Variants in TENM4 observed in about 807,000 individuals in gnomAD.
TENM4 encodes teneurin-4.
In TENM4, 82 loss-of-function variants were observed where a neutral mutation model predicts 243.3. That is an observed-to-expected ratio of 0.34 (90% CI 0.28 to 0.40). TENM4 has a LOEUF of 0.40. TENM4 is among the 10% of genes least tolerant of loss of function. The probability of loss-of-function intolerance (pLI) is 1.00; values close to 1 mark genes in which losing one functional copy is unlikely to be tolerated. For missense variants in TENM4, 3,138 were observed against 3,673.3 expected (o/e 0.85, Z 3.77); for synonymous variants, 1,412 against 1,456.3 (o/e 0.97, Z 0.69).
intron 3 of TENM4, among the ~76,000 whole-genome samples, chr11:79,170,485 T>C (rs545557472): frequency 1.7e-4 from 26 of 152,332 alleles, no homozygotes; most frequent in African/African-American, 6.0e-4. Context: ...GTAATTAGTT[T>C]AGTTAGGATG....
At position 79,200,502 on chromosome 11, in the gene TENM4, A is replaced by C. The variant is rs986468177; in HGVS notation, c.-163+15306T>G. 5.3e-5 allele frequency among the ~76,000 whole-genome samples: 8 copies of C among 152,360 alleles called. No homozygotes were observed. In the East Asian group the frequency reaches 1.5e-3, roughly 29 times the overall value. The stretch of plus-strand genomic sequence containing the variant: ...GAGCAAACTTGGCCCAGGAAGGGCA[A>C]GGGTCATCCAAAGTCACACATCAGA... On this transcript the variant is annotated intron_variant, in intron 3 of 33. Transcript: ENST00000278550.
At chr11:79,263,726 A>G (rs1325572098) in intron 2 of TENM4, among the ~76,000 whole-genome samples, 2 of 152,198 alleles carry the variant, frequency 1.3e-5, no homozygotes, top group Non-Finnish European at 2.9e-5. Context: ...ACAATTTCCA[A>G]TGTCTAACAG....
rs554662524 is a variant in TENM4 at position 78,969,954 on chromosome 11, A to G, written c.494-66431T>C. 1.4e-4 allele frequency among the ~76,000 whole-genome samples: 22 copies of G among 152,360 alleles called. No individual in the cohort carries two copies. The South Asian group carries it at 3.3e-3, about 23-fold the overall frequency. On this transcript the variant is annotated intron_variant, in intron 6 of 33. Transcript: ENST00000278550. ...GTGGCACACTGCCCTGATGGATTCAACCTTTCCAGAAACATTTTAGTTTCT... is the reference window on the plus strand; with the variant it reads ...GTGGCACACTGCCCTGATGGATTCAGCCTTTCCAGAAACATTTTAGTTTCT...
intron 32 of TENM4, 80 bp downstream of exon 32, chr11:78,668,857 T>G: frequency 6.7e-7 from 1 of 1,497,350 alleles, no homozygotes; most frequent in African/African-American, 1.4e-5. Flanking sequence ...TTATGCCAGC[T>G]TTCTCAAAGA....
chr11:79,262,804 C>G (rs1055819560), intron 2 of TENM4, among the ~76,000 whole-genome samples: 3 of 152,144 alleles, frequency 2.0e-5, no homozygotes, highest in African/African-American at 7.2e-5. Context: ...AGTATCTTAC[C>G]TGTAAAGTGA....
chr11:79,168,221 T>C (rs1158959853), intron 3 of TENM4, among the ~76,000 whole-genome samples: 1 of 152,170 alleles, frequency 6.6e-6, no homozygotes, highest in Non-Finnish European at 1.5e-5. Flanking sequence ...TAAGCACCTA[T>C]ATGTGGCAGA....
chr11:79,037,843 T>A (rs1189147362), intron 6 of TENM4, among the ~76,000 whole-genome samples: 1 of 152,198 alleles, frequency 6.6e-6, no homozygotes, highest in East Asian at 1.9e-4. Flanking sequence ...TTTCATGAAT[T>A]TGACCTGCAT....
intron 2 of TENM4, among the ~76,000 whole-genome samples, chr11:79,286,257 G>A (rs1211382820): frequency 2.0e-5 from 3 of 152,122 alleles, no homozygotes; most frequent in African/African-American, 2.4e-5. Context: ...ATGAGCACTC[G>A]CTCTGGAGTC....
intron 3 of TENM4, among the ~76,000 whole-genome samples, chr11:79,206,099 T>A (rs1426333071): frequency 6.6e-6 from 1 of 152,172 alleles, no homozygotes; most frequent in African/African-American, 2.4e-5. Flanking sequence ...TTAGGGAACC[T>A]CCCCTATGGT....
intron 9 of TENM4, among the ~76,000 whole-genome samples, chr11:78,879,956 G>A (rs1040328578): frequency 1.3e-5 from 2 of 152,224 alleles, no homozygotes; most frequent in African/African-American, 4.8e-5. Flanking sequence ...CAGCTCCAAA[G>A]AGACAGCGAC....
chr11:78,903,217 G>A (rs1855971912), intron 7 of TENM4, 51 bp downstream of exon 7: 2 of 1,465,498 alleles, frequency 1.4e-6, no homozygotes, highest in East Asian at 2.8e-5. Context: ...CCTTGGTCCG[G>A]GCCCCGGGTG....
At chr11:79,036,401 G>A (rs367661908) in intron 6 of TENM4, among the ~76,000 whole-genome samples, 77 of 152,236 alleles carry the variant, frequency 5.1e-4, no homozygotes, top group Admixed American at 1.6e-3. Context: ...TGGTGGTATG[G>A]GGATCCCTGG....
rs745811359 is a variant in TENM4 at position 78,670,191 on chromosome 11, T to C, written c.6154A>G (p.Thr2052Ala). 6.2e-7 allele frequency: 1 copy of C among 1,613,894 alleles called. No homozygotes were observed. Among genetic ancestry groups the C allele is most frequent in the East Asian group, 2.2e-5 (1 of 44,876 alleles). Residue 2052 changes from threonine to alanine, a missense_variant, in exon 32 of 34, where the codon ACC becomes GCC. Thr to Ala is a moderately conservative substitution (Grantham distance 58). This residue lies in a region of TENM4 where 2,467 missense variants were observed against 3,059.1 expected (regional missense o/e 0.81). Transcript: ENST00000278550. ...KTINLQNEGFTCTIRYRQIGP... is the reference protein window; with the variant it reads ...KTINLQNEGFACTIRYRQIGP... ...ATCTGACGGTAGCGGATGGTGCAGGTGAAGCCCTCATTCTGTAGGTTGATG... is the reference window on the plus strand; with the variant it reads ...ATCTGACGGTAGCGGATGGTGCAGGCGAAGCCCTCATTCTGTAGGTTGATG...
intron 2 of TENM4, among the ~76,000 whole-genome samples, chr11:79,267,013 A>C (rs1346154760): frequency 1.3e-5 from 2 of 152,156 alleles, no homozygotes; most frequent in African/African-American, 4.8e-5. Context: ...ACCCAAAACA[A>C]AGCTCCTCAT....
rs1417443424 is a variant in TENM4 at position 78,840,647 on chromosome 11, T to C, written c.1681+13457A>G. ...GAGCTCTTCCCCCAAACAGAGATTC[T>C]TGGTATATACTCTTCCGCCCAGAGA... On this transcript the variant is annotated intron_variant, in intron 12 of 33. Coordinates refer to ENST00000278550, the MANE Select transcript of TENM4 (RefSeq NM_001098816.3). Among the ~76,000 whole-genome samples, 3 of 152,196 alleles carry C rather than the reference T, an allele frequency of 2.0e-5. No individual in the cohort carries two copies. The East Asian group carries it at 5.8e-4, about 29-fold the overall frequency.
chr11:78,913,684 A>G (rs1227160046), intron 6 of TENM4, among the ~76,000 whole-genome samples: 2 of 151,534 alleles, frequency 1.3e-5, no homozygotes, highest in African/African-American at 4.9e-5. Context: ...TGGAGCGGAT[A>G]AGCAGCTCAT....
chr11:79,220,464 T>G (rs1023648794), intron 2 of TENM4, among the ~76,000 whole-genome samples: 2 of 152,200 alleles, frequency 1.3e-5, no homozygotes, highest in Non-Finnish European at 2.9e-5. Flanking sequence ...ATTTCTTTAT[T>G]ATTAAATAGG....
chr11:78,670,141 G>A lies in TENM4; in HGVS notation c.6204C>T (p.Ile2068=). 1 of 1,613,964 alleles carries A rather than the reference G, an allele frequency of 6.2e-7. No homozygotes were observed. Among genetic ancestry groups the A allele is most frequent in the Non-Finnish European group, 8.5e-7 (1 of 1,179,892 alleles). The part of the protein sequence containing the change: ...RQIGPLIDRQ[I]FRFTEEGMVN... The stretch of plus-strand genomic sequence containing the variant: ...CCATGCCTTCCTCAGTGAAGCGGAA[G>A]ATCTGTCGGTCAATCAGGGGCCCAA... The change falls in exon 32 of 34, where the codon ATC becomes ATT. Residue 2068 remains isoleucine (I), a synonymous_variant. Transcript: ENST00000278550.
intron 4 of TENM4, among the ~76,000 whole-genome samples, chr11:79,130,440 G>A (rs1044702537): frequency 1.3e-5 from 2 of 151,292 alleles, no homozygotes; most frequent in Non-Finnish European, 2.9e-5. Context: ...AAGCTAATCA[G>A]GGAGGGACCA....
Sources: gnomAD v4.1 joint callset for allele counts (sites outside exome capture counted in the v4.1 genomes callset) on GRCh38, gnomAD v4.1.1 for gene constraint, gnomAD v4.1.1 regional missense constraint, MANE v1.5 for transcripts, NCBI Gene and HGNC (gene_info 2026-07-23, HGNC 2026-07-21) for gene names.